Variants in TENM3 observed in about 807,000 individuals in gnomAD.
TENM3 encodes the protein teneurin-3.
TENM3 carries 63 observed loss-of-function variants against 255.1 expected under a neutral mutation model. The observed-to-expected ratio is 0.25, with a 90% CI of 0.20 to 0.30. The LOEUF is 0.30. TENM3 is among the 10% of genes least tolerant of loss of function. The pLI, the probability that TENM3 is intolerant of heterozygous loss-of-function variation, is 1.00. For missense variants in TENM3, 2,929 were observed against 3,461.1 expected (o/e 0.85, Z 3.86); for synonymous variants, 1,306 against 1,322.3 (o/e 0.99, Z 0.27).
the TENM3 span, among the ~76,000 whole-genome samples, chr4:181,479,316 G>A: frequency 2.0e-5 from 3 of 152,194 alleles, no homozygotes; most frequent in Non-Finnish European, 4.4e-5. Flanking sequence ...GCATTCTCTT[G>A]TAGAACCCGG....
chr4:182,777,650 C>T (rs1193828732), intron 24 of TENM3, among the ~76,000 whole-genome samples: 5 of 145,504 alleles, frequency 3.4e-5, no homozygotes, highest in African/African-American at 5.1e-5. Context: ...CTCCACCTCC[C>T]GGGTTCAATC....
intron 4 of TENM3, among the ~76,000 whole-genome samples, chr4:182,621,626 AAATATAT>A (rs1449023842): frequency 6.7e-4 from 25 of 37,462 alleles, no homozygotes; most frequent in African/African-American, 1.8e-4. Flanking sequence ...TATATATATA[AAATATAT>A]AATATATAAT....
At chr4:181,831,110 CAAAT>C in the TENM3 span, among the ~76,000 whole-genome samples, 4 of 152,084 alleles carry the variant, frequency 2.6e-5, no homozygotes, top group Admixed American at 6.6e-5. Context: ...TTGACACAGA[CAAAT>C]AATCAATTTT....
intron 3 of TENM3, among the ~76,000 whole-genome samples, chr4:182,421,332 A>G (rs946694322): frequency 1.2e-4 from 19 of 152,144 alleles, no homozygotes; most frequent in African/African-American, 3.6e-4. Context: ...GGATCATCCA[A>G]CGTCACTCAA....
the TENM3 span, among the ~76,000 whole-genome samples, chr4:181,624,916 T>TCTCCTCAAGGATCTTTCTTC: frequency 9.3e-4 from 141 of 152,234 alleles, no homozygotes; most frequent in African/African-American, 3.2e-3. Flanking sequence ...TGGCTTGCTT[T>TCTCCTCAAGGATCTTTCTTC]CTCCTCAAGG....
rs1476291481 is a variant in TENM3, at chr4:182,671,652, G to GTTTATT, written c.1112-1348_1112-1347insTTTTAT. 3.6e-3 allele frequency among the ~76,000 whole-genome samples: 547 copies of GTTTATT among 152,184 alleles called. 2 individuals carry two copies. Among genetic ancestry groups the GTTTATT allele is most frequent in the African/African-American group, 0.012 (503 of 41,516 alleles). Reference sequence around the variant, plus strand: ...ATAATCTCTAAGATTCTACTCTTTGGTTTATATTTCTTTTTTTAAGTCACC... The same window carrying GTTTATT: ...ATAATCTCTAAGATTCTACTCTTTGGTTTATTTTTATATTTCTTTTTTTAAGTCACC... On this transcript the variant is annotated intron_variant, in intron 6 of 27. Coordinates refer to ENST00000511685, the MANE Select transcript of TENM3 (RefSeq NM_001080477.4).
the TENM3 span, among the ~76,000 whole-genome samples, chr4:181,639,908 G>T: frequency 6.6e-6 from 1 of 152,154 alleles, no homozygotes; most frequent in Non-Finnish European, 1.5e-5. Context: ...GCGTGTGTGG[G>T]CGTATGGGCT....
intron 3 of TENM3, among the ~76,000 whole-genome samples, chr4:182,530,541 T>G (rs1355953): frequency 0.85 from 129,095 of 152,020 alleles, 54,891 homozygotes; most frequent in East Asian, 0.96. Flanking sequence ...AGCCCACAGG[T>G]ATTTATTGTG....
chr4:182,154,075 T>C (rs2149591017), intron 1 of TENM3, among the ~76,000 whole-genome samples: 1 of 152,224 alleles, frequency 6.6e-6, no homozygotes, highest in South Asian at 2.1e-4. Flanking sequence ...TAATTTTAAG[T>C]CTGGAACATA....
chr4:182,552,379 A>G (rs1009781559), intron 3 of TENM3, among the ~76,000 whole-genome samples: 1 of 152,204 alleles, frequency 6.6e-6, no homozygotes, highest in African/African-American at 2.4e-5. Flanking sequence ...TTTACTGAAC[A>G]TCTCCTTATG....
chr4:182,714,770 T>G (rs190315601), intron 13 of TENM3, among the ~76,000 whole-genome samples: 6 of 152,316 alleles, frequency 3.9e-5, no homozygotes, highest in Non-Finnish European at 7.4e-5. Flanking sequence ...TAAGAATAAT[T>G]ATTTTCACCG....
At chr4:182,283,121 T>A (rs1287901000) in intron 1 of TENM3, among the ~76,000 whole-genome samples, 3 of 152,162 alleles carry the variant, frequency 2.0e-5, no homozygotes, top group African/African-American at 4.8e-5. Context: ...ACCGCATTTT[T>A]AAAAATTGAC....
intron 3 of TENM3, among the ~76,000 whole-genome samples, chr4:182,438,723 C>T (rs535778694): frequency 1.3e-5 from 2 of 152,240 alleles, no homozygotes; most frequent in South Asian, 2.1e-4. Flanking sequence ...TGTACTGAGG[C>T]TATCTTAGAC....
intron 27 of TENM3, among the ~76,000 whole-genome samples, chr4:182,798,733 T>C (rs1472401382): frequency 6.6e-6 from 1 of 152,238 alleles, no homozygotes; most frequent in East Asian, 1.9e-4. Flanking sequence ...CTTTTAAATA[T>C]GGTTCAAGTT....
intron 3 of TENM3, among the ~76,000 whole-genome samples, chr4:182,530,097 G>C (rs1006770961): frequency 4.6e-5 from 7 of 152,080 alleles, no homozygotes; most frequent in African/African-American, 1.4e-4. Flanking sequence ...TTGTAGATGT[G>C]GCCAACATCT....
At chr4:181,888,516 G>GTATATATATATATATA in the TENM3 span, among the ~76,000 whole-genome samples, 2 of 41,518 alleles carry the variant, frequency 4.8e-5, no homozygotes, top group Admixed American at 3.4e-4. Flanking sequence ...ATATATATAT[G>GTATATATATATATATA]TATATATATA....
At chr4:181,813,828 T>A in the TENM3 span, among the ~76,000 whole-genome samples, 71 of 152,274 alleles carry the variant, frequency 4.7e-4, 2 homozygotes, top group African/African-American at 1.6e-3. Flanking sequence ...GTAGTCAGCA[T>A]CTTGTTTTCA....
the TENM3 span, among the ~76,000 whole-genome samples, chr4:181,898,286 CT>C: frequency 2.0e-5 from 3 of 148,670 alleles, no homozygotes; most frequent in African/African-American, 2.5e-5. Flanking sequence ...ACACACACAC[CT>C]TTGTGATATT....
At chr4:182,334,280 C>T (rs1198318567) in intron 2 of TENM3, among the ~76,000 whole-genome samples, 1 of 152,044 alleles carries the variant, frequency 6.6e-6, no homozygotes, top group African/African-American at 2.4e-5. Context: ...ATTTAAAAAA[C>T]GTAAAACAGG....
Sources: allele counts gnomAD v4.1 joint callset (sites outside exome capture counted in the v4.1 genomes callset), GRCh38; gene constraint gnomAD v4.1.1; transcripts MANE v1.5; gene names NCBI Gene and HGNC (gene_info 2026-07-23, HGNC 2026-07-21).